Variants in TRPC3 observed in about 807,000 individuals in gnomAD.
The protein encoded by TRPC3 is transient receptor potential cation channel subfamily C member 3.
A neutral mutation model predicts 90.9 loss-of-function variants in TRPC3; 54 were observed. The observed-to-expected ratio is 0.59, with a 90% confidence interval of 0.48 to 0.75. The LOEUF (loss-of-function observed/expected upper bound fraction) is 0.75. Among genes scored for constraint, TRPC3 ranks in the 30% least tolerant of loss-of-function variants. The pLI is 0.00. For synonymous variants in TRPC3, 424 were observed against 450.9 expected (o/e 0.94, Z 0.75); for missense variants, 918 against 1,194.5 (o/e 0.77, Z 3.41).
intron 10 of TRPC3, among the ~76,000 whole-genome samples, chr4:121,897,030 C>T (rs781749874): frequency 6.6e-6 from 1 of 151,936 alleles, no homozygotes; most frequent in Non-Finnish European, 1.5e-5. Context: ...GCCAAAAACA[C>T]TCATTGGGAA....
chr4:121,901,085 A>G (rs1259481227), intron 9 of TRPC3, among the ~76,000 whole-genome samples: 1 of 152,214 alleles, frequency 6.6e-6, no homozygotes, highest in Non-Finnish European at 1.5e-5. Context: ...ACATTATGAT[A>G]ATATCAGGAA....
Position 121,950,506 on chromosome 4 carries a change from G to C in TRPC3, c.215+960C>G, listed in dbSNP as rs1730684719. On this transcript the variant is annotated intron_variant, in intron 1 of 11. Transcript: ENST00000379645. ...CAGTAAACCCTGCGGCACTCCCAGT[G>C]TTACGTGACAGAAAAAATACAGAGC... The C allele has an allele frequency of 3.9e-5, 6 of 152,418 alleles. No individual in the cohort carries two copies. In the South Asian group the frequency reaches 1.2e-3, roughly 32 times the overall value. The allele number at this position is 152,418 out of a possible 1,614,324, so 9.4% of individuals were successfully genotyped here.
intron 1 of TRPC3, among the ~76,000 whole-genome samples, chr4:121,942,332 C>T (rs1181676793): frequency 6.6e-6 from 1 of 152,134 alleles, no homozygotes; most frequent in African/African-American, 2.4e-5. Context: ...GAGGCAGAGG[C>T]AGATGACTCA....
Position 121,914,925 on chromosome 4 carries a change from C to A in TRPC3, c.1196G>T (p.Cys399Phe). The change falls in exon 4 of 12, where the codon TGC becomes TTC. Residue 399 changes from cysteine (C) to phenylalanine (F), a missense_variant. Physicochemically the swap from Cys to Phe is radical, Grantham distance 205. This residue lies in a region of TRPC3 where 609 missense variants were observed against 725.9 expected (regional missense o/e 0.84). Transcript: ENST00000379645. ...EVKKFVAHPN[C>F]QQQLLTIWYE... ...CCAGATCGTCAAGAGCTGCTGCTGG[C>A]AGTTGGGATGAGCCACAAACTATTG... The A allele has an allele frequency of 6.2e-7, 1 of 1,606,794 alleles. No homozygotes were observed. Among genetic ancestry groups the A allele is most frequent in the Non-Finnish European group, 8.5e-7 (1 of 1,174,486 alleles).
intron 3 of TRPC3, among the ~76,000 whole-genome samples, chr4:121,921,252 G>T (rs1328335585): frequency 1.3e-5 from 2 of 152,142 alleles, no homozygotes; most frequent in African/African-American, 4.8e-5. Context: ...GCCGGGCGCG[G>T]TGGCTCACGC....
At chr4:121,917,434 A>T (rs1310538287) in intron 3 of TRPC3, among the ~76,000 whole-genome samples, 1 of 152,094 alleles carries the variant, frequency 6.6e-6, no homozygotes, top group Admixed American at 6.5e-5. Flanking sequence ...TCATTCATTC[A>T]TTCATTTATT....
Position 121,951,692 on chromosome 4 carries a change from C to A in TRPC3, c.-12G>T. 7.6e-7 allele frequency: 1 copy of A among 1,311,768 alleles called. No homozygotes were observed. Among genetic ancestry groups the A allele is most frequent in the Non-Finnish European group, 9.8e-7 (1 of 1,020,464 alleles). 81.3% of individuals were successfully genotyped at this position (1,311,768 alleles called of 1,614,324 possible). A position where few individuals can be genotyped will look rare whatever the true frequency, so the allele number is the denominator to read the frequency against. Reference sequence around the variant, plus strand: ...ACCTTGGTGGACATCGCGCCGGCTGCGGTCCGAGTGTGGGGGTGCCGGCTG... The same window carrying A: ...ACCTTGGTGGACATCGCGCCGGCTGAGGTCCGAGTGTGGGGGTGCCGGCTG... On this transcript the variant is annotated 5_prime_UTR_variant, in exon 1 of 12. Coordinates refer to ENST00000379645, the MANE Select transcript of TRPC3 (RefSeq NM_001130698.2). The surrounding 1 kb of genome is among the most constrained non-coding windows in gnomAD (Gnocchi z 4.4).
intron 1 of TRPC3, among the ~76,000 whole-genome samples, chr4:121,943,868 A>G (rs1730401905): frequency 6.6e-6 from 1 of 152,170 alleles, no homozygotes; most frequent in Non-Finnish European, 1.5e-5. Flanking sequence ...CCTAGGACCA[A>G]ATCCACATTA....
chr4:121,937,593 T>C lies in TRPC3; in HGVS notation c.216-4551A>G, dbSNP rs1267526072. On this transcript the variant is annotated intron_variant, in intron 1 of 11. Transcript: ENST00000379645. Reference sequence around the variant, plus strand: ...GAGTGATATTTTTAAAAGGTTATTGTATCTTTTCAAAAACAATTAAAGAGT... The same window carrying C: ...GAGTGATATTTTTAAAAGGTTATTGCATCTTTTCAAAAACAATTAAAGAGT... Among the ~76,000 whole-genome samples, 3 of 152,240 alleles carry C rather than the reference T, an allele frequency of 2.0e-5. 1 individual carries two copies. Among genetic ancestry groups the C allele is most frequent in the Admixed American group, 2.0e-4 (3 of 15,288 alleles).
In TRPC3 at chr4:121,876,276, G is replaced by A. The variant is rs530022625; in HGVS notation, c.*3460C>T. Among the ~76,000 whole-genome samples, 14 of 152,052 alleles carry A rather than the reference G, an allele frequency of 9.2e-5. No individual in the cohort carries two copies. The highest frequency in any genetic ancestry group is 5.2e-4 in the Admixed American group (8 of 15,278). On this transcript the variant is annotated 3_prime_UTR_variant, in exon 12 of 12. Coordinates refer to ENST00000379645, the MANE Select transcript of TRPC3 (RefSeq NM_001130698.2). ...TAGCCTGGACAACATAGTGAGACCCGCCTCTAAAAATGTATTTTAAAAACT... is the reference window on the plus strand; with the variant it reads ...TAGCCTGGACAACATAGTGAGACCCACCTCTAAAAATGTATTTTAAAAACT...
In TRPC3 at chr4:121,951,566, C is replaced by A. The variant is rs1169143600; in HGVS notation, c.115G>T (p.Gly39Cys). 1 of 1,446,810 alleles carries A rather than the reference C, an allele frequency of 6.9e-7. No homozygotes were observed. Among genetic ancestry groups the A allele is most frequent in the Non-Finnish European group, 9.1e-7 (1 of 1,096,136 alleles). 89.6% of individuals were successfully genotyped at this position (1,446,810 alleles called of 1,614,324 possible). A position where few individuals can be genotyped will look rare whatever the true frequency, so the allele number is the denominator to read the frequency against. ...EGAEPQRRRRGWRGVNGGLEP... is the reference protein window; with the variant it reads ...EGAEPQRRRRCWRGVNGGLEP... ...AGCCCCCCGTTGACGCCCCTCCAGC[C>A]CCGGCGGCGGCGCTGCGGCTCCGCG... Residue 39 changes from glycine to cysteine, a missense_variant, in exon 1 of 12, where the codon GGC becomes TGC. This residue lies in a region of TRPC3 where 609 missense variants were observed against 725.9 expected (regional missense o/e 0.84). Transcript: ENST00000379645. This position sits in a 1 kb window ranked among gnomAD's most constrained non-coding sequence, Gnocchi z 4.4.
At chr4:121,909,997 T>A (rs537927709) in intron 6 of TRPC3, among the ~76,000 whole-genome samples, 157 bp downstream of exon 6, 1 of 152,206 alleles carries the variant, frequency 6.6e-6, no homozygotes, top group South Asian at 2.1e-4. Flanking sequence ...TTGAAATGAA[T>A]CCAGTTTTGT....
At chr4:121,950,618 G>A (rs1730688447) in intron 1 of TRPC3, 1 of 152,348 alleles carries the variant, frequency 6.6e-6, no homozygotes. Flanking sequence ...TGGAAATTAA[G>A]AAAAGTTGCT....
intron 3 of TRPC3, among the ~76,000 whole-genome samples, chr4:121,918,988 T>G (rs1578633938): frequency 6.6e-6 from 1 of 152,224 alleles, no homozygotes; most frequent in African/African-American, 2.4e-5. Flanking sequence ...CTGGATAACA[T>G]TTGTATGCTG....
At chr4:121,929,921 G>A (rs1362089188) in intron 2 of TRPC3, among the ~76,000 whole-genome samples, 2 of 151,986 alleles carry the variant, frequency 1.3e-5, no homozygotes, top group African/African-American at 4.8e-5. Flanking sequence ...CCCATGGGAA[G>A]AATATAGCGA....
At chr4:121,922,151 T>C (rs952284155) in intron 3 of TRPC3, among the ~76,000 whole-genome samples, 5 of 152,030 alleles carry the variant, frequency 3.3e-5, no homozygotes, top group African/African-American at 1.2e-4. Flanking sequence ...CTCGATCTCC[T>C]GACCTCGTGA....
chr4:121,931,981 A>C (rs1438440968), intron 2 of TRPC3, among the ~76,000 whole-genome samples: 1 of 152,196 alleles, frequency 6.6e-6, no homozygotes, highest in Non-Finnish European at 1.5e-5. Context: ...TTTTAGCAAA[A>C]AGGGGAGAAA....
chr4:121,890,194 G>C (rs1426163193), intron 10 of TRPC3, among the ~76,000 whole-genome samples: 1 of 152,076 alleles, frequency 6.6e-6, no homozygotes. Context: ...GGGAGAAGTT[G>C]GTCACCAGGT....
At chr4:121,899,570 G>C (rs747906081) in intron 10 of TRPC3, 42 bp downstream of exon 10, 2 of 1,513,000 alleles carry the variant, frequency 1.3e-6, no homozygotes, top group Non-Finnish European at 1.8e-6. Context: ...GACATATATG[G>C]AATCACATAG....
Sources: gnomAD v4.1 joint callset for allele counts (sites outside exome capture counted in the v4.1 genomes callset) on GRCh38, gnomAD v4.1.1 for gene constraint, gnomAD v4.1.1 regional missense constraint, Gnocchi (gnomAD v3.1) non-coding constraint, MANE v1.5 for transcripts, NCBI Gene and HGNC (gene_info 2026-07-23, HGNC 2026-07-21) for gene names.